MTUS1: variants seen among roughly 807,000 people sequenced by gnomAD.
The protein encoded by MTUS1 is microtubule-associated tumor suppressor 1.
In MTUS1, 109 loss-of-function variants were observed where a neutral mutation model predicts 120.8. That is an observed-to-expected ratio of 0.90 (90% CI 0.77 to 1.06). The LOEUF (loss-of-function observed/expected upper bound fraction) is 1.06, where lower values mean the gene tolerates loss of function less well. MTUS1 is among the 50% of genes least tolerant of loss of function. The pLI, the probability that MTUS1 is intolerant of heterozygous loss-of-function variation, is 0.00. For missense variants in MTUS1, 2,210 were observed against 1,486.3 expected (o/e 1.49, Z -8.01); for synonymous variants, 737 against 550.5 (o/e 1.34, Z -4.74).
intron 1 of MTUS1, among the ~76,000 whole-genome samples, chr8:17,792,505 T>A (rs570202566): frequency 6.6e-6 from 1 of 152,364 alleles, no homozygotes; most frequent in Non-Finnish European, 1.5e-5. Flanking sequence ...CTGACCCTAC[T>A]CTTTTAAATT....
rs531908101 is a variant in MTUS1 at position 17,777,546 on chromosome 8, C to G, written c.-154-21585G>C. On this transcript the variant is annotated intron_variant, in intron 1 of 14. Coordinates refer to ENST00000693296, the MANE Select transcript of MTUS1 (RefSeq NM_001363059.2). ...GCATCAGCCACCTTCTCCACACACC[C>G]AAAAGCAGAGAAAGCAAATCTCTAC... 5.3e-5 allele frequency among the ~76,000 whole-genome samples: 8 copies of G among 152,138 alleles called. No individual in the cohort carries two copies. In the South Asian group the frequency reaches 1.7e-3, roughly 32 times the overall value.
At chr8:17,718,473 C>A (rs1424516939) in intron 4 of MTUS1, among the ~76,000 whole-genome samples, 2 of 151,994 alleles carry the variant, frequency 1.3e-5, no homozygotes, top group African/African-American at 4.8e-5. Flanking sequence ...TGCATTCGCC[C>A]ATATCGGGTA....
intron 3 of MTUS1, 55 bp from the exon 4 acceptor site, chr8:17,723,888 C>T: frequency 6.9e-7 from 1 of 1,444,804 alleles, no homozygotes; most frequent in Non-Finnish European, 9.3e-7. Flanking sequence ...CGAAAGCTGG[C>T]ACTTTTTAAG....
chr8:17,774,996 A>G (rs2050306280), intron 1 of MTUS1, among the ~76,000 whole-genome samples: 1 of 133,268 alleles, frequency 7.5e-6, no homozygotes, highest in Non-Finnish European at 1.7e-5. Context: ...AAAAAAAACC[A>G]GAAAAGGACA....
intron 6 of MTUS1, among the ~76,000 whole-genome samples, chr8:17,695,391 G>A (rs1020714029): frequency 7.2e-5 from 11 of 152,132 alleles, no homozygotes; most frequent in Admixed American, 2.6e-4. Context: ...CTGGGCAAGC[G>A]AATTCACTTC....
At position 17,653,211 on chromosome 8, in the gene MTUS1, CT is replaced by C. The variant is rs764854403; in HGVS notation, c.3358del (p.Arg1120GlufsTer9). The C allele has an allele frequency of 1.9e-6, 3 of 1,549,582 alleles. No homozygotes were observed. The highest frequency in any genetic ancestry group is 2.6e-6 in the Non-Finnish European group (3 of 1,152,018). On this transcript the variant is annotated frameshift_variant, in exon 12 of 15. Coordinates refer to ENST00000693296, the MANE Select transcript of MTUS1 (RefSeq NM_001363059.2). LOFTEE classifies it high-confidence loss of function. ...CAAATTTGCTTTTTCTCTTGCTCTT[CT>C]TTTTTGTTCTTCTGATTTCAATTTT... The part of the protein sequence containing the change: ...NEKLKSEEQK[R>X]RAREKANLKN...
At chr8:17,718,776 T>G (rs906523480) in intron 4 of MTUS1, among the ~76,000 whole-genome samples, 32 of 151,744 alleles carry the variant, frequency 2.1e-4, no homozygotes, top group African/African-American at 7.0e-4. Flanking sequence ...ATGGCCAAAG[T>G]GTGGTTCAAG....
chr8:17,681,721 A>G (rs1332320620), intron 7 of MTUS1: 1 of 154,752 alleles, frequency 6.5e-6, no homozygotes, highest in East Asian at 1.9e-4. Flanking sequence ...GGGCATGATA[A>G]TAACATTAAA....
intron 1 of MTUS1, among the ~76,000 whole-genome samples, chr8:17,763,057 T>A (rs935715107): frequency 6.6e-6 from 1 of 151,444 alleles, no homozygotes; most frequent in Non-Finnish European, 1.5e-5. Flanking sequence ...AATGGCGCAA[T>A]CTTGGCTCAC....
intron 2 of MTUS1, among the ~76,000 whole-genome samples, chr8:17,745,152 C>T (rs770579137): frequency 3.3e-5 from 5 of 152,172 alleles, no homozygotes; most frequent in African/African-American, 7.2e-5. Context: ...CTTCCCCATA[C>T]CACTTCCTTG....
In MTUS1 at chr8:17,760,059, T is replaced by C. The variant is rs897088030; in HGVS notation, c.-154-4098A>G. Among the ~76,000 whole-genome samples, 492 of 148,422 alleles carry C rather than the reference T, an allele frequency of 3.3e-3. 4 individuals are homozygous for C. The highest frequency in any genetic ancestry group is 0.011 in the African/African-American group (467 of 40,760). Reference sequence around the variant, plus strand: ...CCCTACCTCTACGATTTCTTTTCTTTTTTTTTTTTTTTTTAGCACGGTGGT... The same window carrying C: ...CCCTACCTCTACGATTTCTTTTCTTCTTTTTTTTTTTTTTAGCACGGTGGT... On this transcript the variant is annotated intron_variant, in intron 1 of 14. Coordinates refer to ENST00000693296, the MANE Select transcript of MTUS1 (RefSeq NM_001363059.2).
At chr8:17,699,691 C>T (rs904554840) in intron 6 of MTUS1, among the ~76,000 whole-genome samples, 1 of 152,196 alleles carries the variant, frequency 6.6e-6, no homozygotes, top group African/African-American at 2.4e-5. Context: ...CAAGAAGCTG[C>T]AGGAATAAAC....
chr8:17,782,017 G>C (rs952864980), intron 1 of MTUS1, among the ~76,000 whole-genome samples: 10 of 152,220 alleles, frequency 6.6e-5, no homozygotes, highest in African/African-American at 2.4e-4. Flanking sequence ...ATGGCCCTCG[G>C]TTGGCCAGAC....
At chr8:17,679,852 A>G (rs1388528549) in intron 7 of MTUS1, among the ~76,000 whole-genome samples, 9 of 152,144 alleles carry the variant, frequency 5.9e-5, no homozygotes, top group African/African-American at 2.2e-4. Flanking sequence ...ATCAGTAAAT[A>G]TTTGCTGATT....
At chr8:17,737,110 A>C (rs1206423642) in intron 3 of MTUS1, among the ~76,000 whole-genome samples, 4 of 152,168 alleles carry the variant, frequency 2.6e-5, no homozygotes, top group African/African-American at 9.7e-5. Flanking sequence ...AGAAGACAGG[A>C]GTGTGTCAAG....
intron 3 of MTUS1, among the ~76,000 whole-genome samples, chr8:17,742,189 C>G (rs1398493211): frequency 6.6e-6 from 1 of 151,384 alleles, no homozygotes; most frequent in Non-Finnish European, 1.5e-5. Context: ...CTTCTGGGCT[C>G]AAGTGATCTT....
At chr8:17,792,930 C>G (rs1348580239) in intron 1 of MTUS1, among the ~76,000 whole-genome samples, 1 of 152,166 alleles carries the variant, frequency 6.6e-6, no homozygotes, top group African/African-American at 2.4e-5. Context: ...AGCATTAAAT[C>G]AAGTTCAATA....
In MTUS1 at chr8:17,717,153, G is replaced by C. The variant is rs1585916322; in HGVS notation, c.2450-1252C>G. On this transcript the variant is annotated intron_variant, in intron 4 of 14. Transcript: ENST00000693296. Reference sequence around the variant, plus strand: ...TCCACACCCAGGCCCTGTACAATGAGCCATCTGTTCATTGTTCTCGTGCCC... The same window carrying C: ...TCCACACCCAGGCCCTGTACAATGACCCATCTGTTCATTGTTCTCGTGCCC... Among the ~76,000 whole-genome samples the C allele has an allele frequency of 3.9e-5, 6 of 152,276 alleles. No homozygotes were observed. The South Asian group carries it at 1.0e-3, about 26-fold the overall frequency.
chr8:17,667,598 T>C (rs766299723), intron 8 of MTUS1, among the ~76,000 whole-genome samples: 1 of 152,226 alleles, frequency 6.6e-6, no homozygotes, highest in Non-Finnish European at 1.5e-5. Flanking sequence ...ATTTTAACAA[T>C]ATTTCTTAAA....
Sources: gnomAD v4.1 joint callset for allele counts (sites outside exome capture counted in the v4.1 genomes callset) on GRCh38, gnomAD v4.1.1 for gene constraint, MANE v1.5 for transcripts, NCBI Gene and HGNC (gene_info 2026-07-23, HGNC 2026-07-21) for gene names.